TMEM120B: variants seen among roughly 807,000 people sequenced by gnomAD.
TMEM120B encodes transmembrane protein 120B.
In TMEM120B, 31 loss-of-function variants were observed where a neutral mutation model predicts 55.5. That is an observed-to-expected ratio of 0.56 (90% CI 0.42 to 0.75). TMEM120B has a LOEUF of 0.75. Ranked by LOEUF, TMEM120B falls within the 30% of genes least tolerant of loss-of-function variation. The pLI is 0.00. For missense variants in TMEM120B, 399 were observed against 425.5 expected (o/e 0.94, Z 0.55); for synonymous variants, 203 against 176.3 (o/e 1.15, Z -1.20).
intron 1 of TMEM120B, among the ~76,000 whole-genome samples, chr12:121,735,759 C>T (rs963356563): frequency 5.9e-5 from 9 of 151,764 alleles, no homozygotes; most frequent in Admixed American, 4.6e-4. Context: ...GGCGCATTCT[C>T]GGCTCACTGC....
Position 121,777,638 on chromosome 12 carries a change from G to A in TMEM120B, c.*1916G>A, listed in dbSNP as rs1874288078. 6.6e-6 allele frequency: 1 copy of A among 152,238 alleles called. No homozygotes were observed. The highest frequency in any genetic ancestry group is 1.5e-5 in the Non-Finnish European group (1 of 68,058). 9.4% of individuals were successfully genotyped at this position (152,238 alleles called of 1,614,324 possible). ...TTTGCCCTAGATTAGGAGTCAGCTA[G>A]CTGTCTGTAAAGGGCCAGATGGCAA... On this transcript the variant is annotated 3_prime_UTR_variant, in exon 12 of 12. Transcript: ENST00000449592.
At position 121,779,554 on chromosome 12, in the gene TMEM120B, T is replaced by C. The variant is rs368780277; in HGVS notation, c.*3832T>C. 63 of 1,613,966 alleles carry C rather than the reference T, an allele frequency of 3.9e-5. No homozygotes were observed. Among genetic ancestry groups the C allele is most frequent in the African/African-American group, 4.0e-5 (3 of 74,946 alleles). ...TGCCGTTGCGCCTTCTTCAGAGCGC[T>C]GAGAGCCACCTTGGCGGCCTCCCGG... On this transcript the variant is annotated 3_prime_UTR_variant, in exon 12 of 12. Coordinates refer to ENST00000449592, the MANE Select transcript of TMEM120B (RefSeq NM_001080825.2).
chr12:121,764,264 G>A (rs1873774347), intron 6 of TMEM120B, among the ~76,000 whole-genome samples: 1 of 151,720 alleles, frequency 6.6e-6, no homozygotes. Context: ...GCTCATGCCT[G>A]TAATCCCAGC....
At chr12:121,773,629 T>C in intron 9 of TMEM120B, 116 bp downstream of exon 9, 1 of 729,322 alleles carries the variant, frequency 1.4e-6, no homozygotes, top group Non-Finnish European at 2.1e-6. Flanking sequence ...CGCTGCCCTT[T>C]ATCCGAAGCG....
chr12:121,773,767 T>TACACACACACACACAC (rs139459284), intron 9 of TMEM120B, among the ~76,000 whole-genome samples: 48,282 of 151,158 alleles, frequency 0.32, 8,626 homozygotes, highest in African/African-American at 0.5. Context: ...TGTTCTAGAA[T>TACACACACACACACAC]ACACACACAC....
At chr12:121,726,187 TG>T (rs1894887692) in intron 1 of TMEM120B, among the ~76,000 whole-genome samples, 1 of 152,124 alleles carries the variant, frequency 6.6e-6, no homozygotes, top group South Asian at 2.1e-4. Context: ...GATGTGGTGA[TG>T]GTTGTACAAC....
intron 1 of TMEM120B, among the ~76,000 whole-genome samples, chr12:121,715,155 G>GT (rs1894677250): frequency 6.6e-6 from 1 of 152,042 alleles, no homozygotes. Flanking sequence ...GGCCAACACA[G>GT]TGAGACCCTG....
At chr12:121,756,354 C>T (rs1278040561) in intron 5 of TMEM120B, among the ~76,000 whole-genome samples, 2 of 152,110 alleles carry the variant, frequency 1.3e-5, no homozygotes, top group African/African-American at 2.4e-5. Context: ...AAAAATTAGT[C>T]GGGCCTGATG....
In TMEM120B at chr12:121,761,729, A is replaced by G. The variant is rs1873684830; in HGVS notation, c.542A>G (p.Asn181Ser). 1 of 1,613,754 alleles carries G rather than the reference A, an allele frequency of 6.2e-7. No homozygotes were observed. The highest frequency in any genetic ancestry group is 2.2e-5 in the East Asian group (1 of 44,876). Residue 181 changes from asparagine (N) to serine (S), a missense_variant, in exon 6 of 12, where the codon AAC becomes AGC. Asn to Ser is a conservative substitution (Grantham distance 46, BLOSUM62 1). Transcript: ENST00000449592. ...LTIRESILIS[N>S]GSRIKGWWVS... The stretch of plus-strand genomic sequence containing the variant: ...ATTCGGGAGAGCATTCTCATCAGCA[A>G]CGGCTCAAGGTACCTGGGCACCTGG...
chr12:121,714,904 T>C (rs1409737908), intron 1 of TMEM120B, among the ~76,000 whole-genome samples: 1 of 152,036 alleles, frequency 6.6e-6, no homozygotes, highest in African/African-American at 2.4e-5. Flanking sequence ...TCGGAGGTCA[T>C]GGTCAGCTGT....
intron 2 of TMEM120B, among the ~76,000 whole-genome samples, chr12:121,745,696 T>C (rs1017061476): frequency 6.6e-6 from 1 of 151,928 alleles, no homozygotes; most frequent in Non-Finnish European, 1.5e-5. Context: ...CTGGCCTTAC[T>C]TTTTTTGAGA....
chr12:121,742,404 C>G (rs953650557), intron 1 of TMEM120B, among the ~76,000 whole-genome samples: 2 of 152,020 alleles, frequency 1.3e-5, no homozygotes. Context: ...TCTAATAAAT[C>G]CATCTCTTCA....
intron 1 of TMEM120B, among the ~76,000 whole-genome samples, chr12:121,735,803 G>C (rs1895098622): frequency 6.6e-6 from 1 of 151,768 alleles, no homozygotes; most frequent in South Asian, 2.1e-4. Flanking sequence ...TGAGTCTTCT[G>C]CCTCAGTCCC....
intron 8 of TMEM120B, among the ~76,000 whole-genome samples, chr12:121,772,259 G>T (rs150102221): frequency 6.6e-6 from 1 of 151,246 alleles, no homozygotes; most frequent in Non-Finnish European, 1.5e-5. Context: ...CTCCCGGGTG[G>T]CTGGGACTAC....
At chr12:121,766,278 C>T (rs1158150929) in intron 6 of TMEM120B, among the ~76,000 whole-genome samples, 1 of 151,758 alleles carries the variant, frequency 6.6e-6, no homozygotes, top group African/African-American at 2.4e-5. Flanking sequence ...TGAGATGCCA[C>T]TCATCAGCTC....
intron 4 of TMEM120B, among the ~76,000 whole-genome samples, 172 bp downstream of exon 4, chr12:121,750,611 CCAACA>C (rs1873251950): frequency 7.2e-6 from 1 of 139,642 alleles, no homozygotes; most frequent in Non-Finnish European, 1.6e-5. Context: ...CACACCAACA[CCAACA>C]CCAACACCAC....
intron 6 of TMEM120B, among the ~76,000 whole-genome samples, chr12:121,765,796 CAG>C (rs1873827991): frequency 6.6e-6 from 1 of 152,182 alleles, no homozygotes; most frequent in Non-Finnish European, 1.5e-5. Context: ...AGCTCCTCCT[CAG>C]GGCTGATTGA....
At chr12:121,742,564 G>A (rs773797015) in intron 1 of TMEM120B, among the ~76,000 whole-genome samples, 7 of 152,222 alleles carry the variant, frequency 4.6e-5, no homozygotes, top group Middle Eastern at 6.8e-3. Flanking sequence ...CTGCCAAAGT[G>A]AGCAGTGGCT....
At chr12:121,756,404 A>G (rs1053266884) in intron 5 of TMEM120B, among the ~76,000 whole-genome samples, 18 of 152,108 alleles carry the variant, frequency 1.2e-4, no homozygotes, top group African/African-American at 4.4e-4. Context: ...AGGCCAAGGC[A>G]GGAGAATTAC....
Sources: gnomAD v4.1 joint callset for allele counts (sites outside exome capture counted in the v4.1 genomes callset) on GRCh38, gnomAD v4.1.1 for gene constraint, MANE v1.5 for transcripts, NCBI Gene and HGNC (gene_info 2026-07-23, HGNC 2026-07-21) for gene names.